MROH9: variants seen among roughly 807,000 people sequenced by gnomAD.
MROH9 encodes maestro heat-like repeat-containing protein family member 9.
A neutral mutation model predicts 98.2 loss-of-function variants in MROH9; 92 were observed. That is an observed-to-expected ratio of 0.94 (90% CI 0.79 to 1.11). MROH9 has a LOEUF of 1.11. MROH9 is among the 50% of genes most tolerant of loss of function. The pLI, the probability that MROH9 is intolerant of heterozygous loss-of-function variation, is 0.00. For synonymous variants in MROH9, 397 were observed against 368.9 expected, an observed-to-expected ratio of 1.08 and a Z score of -0.87; for missense variants, 1,057 against 1,014.8, an observed-to-expected ratio of 1.04 and a Z score of -0.57.
intron 8 of MROH9, among the ~76,000 whole-genome samples, chr1:170,977,557 G>C (rs115591432): frequency 6.6e-6 from 1 of 152,152 alleles, no homozygotes; most frequent in African/African-American, 2.4e-5. Flanking sequence ...TAGGCACAGT[G>C]ATCAGTTGGT....
At chr1:171,028,199 T>C (rs1652790906) in intron 20 of MROH9, among the ~76,000 whole-genome samples, 1 of 152,200 alleles carries the variant, frequency 6.6e-6, no homozygotes, top group South Asian at 2.1e-4. Context: ...TTGTTAATTT[T>C]TGTATAAGGT....
chr1:171,014,278 G>A, intron 16 of MROH9, 24 bp downstream of exon 16: 3 of 1,535,878 alleles, frequency 2.0e-6, no homozygotes, highest in Non-Finnish European at 1.8e-6. Context: ...ATTTGTGTCT[G>A]CAAGCATCAT....
intron 14 of MROH9, 23 bp from the exon 15 acceptor site, chr1:170,998,131 C>T (rs950323779): frequency 1.2e-5 from 19 of 1,564,146 alleles, no homozygotes; most frequent in Non-Finnish European, 1.6e-5. Flanking sequence ...TTTGCTAATT[C>T]AGTGCCTTAT....
intron 12 of MROH9, among the ~76,000 whole-genome samples, chr1:170,994,329 C>G (rs975025994): frequency 2.2e-4 from 33 of 152,254 alleles, no homozygotes; most frequent in African/African-American, 7.9e-4. Flanking sequence ...ACCCACGTGA[C>G]TGCTGTTAGT....
At position 170,959,534 on chromosome 1, in the gene MROH9, C is replaced by A; in HGVS notation, c.225C>A (p.Val75=). ...IIESSFGMLV[V]MPSLDKVKEM... ...AGTCATCCTTTGGAATGCTAGTTGT[C>A]ATGCCAAGTCTTGACAAAGTAAAAG... The change falls in exon 5 of 22, where the codon GTC becomes GTA. Residue 75 remains valine, a synonymous_variant. Transcript: ENST00000367759. 6.2e-7 allele frequency: 1 copy of A among 1,613,692 alleles called. No homozygotes were observed. The highest frequency in any genetic ancestry group is 1.1e-5 in the South Asian group (1 of 90,950).
chr1:170,979,546 T>C (rs1650847443), intron 8 of MROH9, among the ~76,000 whole-genome samples: 1 of 152,190 alleles, frequency 6.6e-6, no homozygotes, highest in Admixed American at 6.5e-5. Flanking sequence ...AACAGAACTA[T>C]ATGTAAAATC....
chr1:170,989,003 GA>G (rs1651252451), intron 10 of MROH9, among the ~76,000 whole-genome samples: 1 of 152,092 alleles, frequency 6.6e-6, no homozygotes, highest in South Asian at 2.1e-4. Flanking sequence ...TACGTGGTTG[GA>G]AAAGTACCCT....
At position 171,024,303 on chromosome 1, in the gene MROH9, G is replaced by GGTGTGT. The variant is rs3077629; in HGVS notation, c.1909-69_1909-64dup. On this transcript the variant is annotated intron_variant, in intron 17 of 21. Transcript: ENST00000367759. ...ATACATATATAGTATATTTATATGG[G>GGTGTGT]GTGTGTGTGTGTGTGTGTGTGTGTG... The GGTGTGT allele has an allele frequency of 9.6e-4, 642 of 669,938 alleles. 1 individual carries two copies. The highest frequency in any genetic ancestry group is 5.2e-3 in the Middle Eastern group (17 of 3,264). The allele number at this position is 669,938 out of a possible 1,614,324, so 41.5% of individuals were successfully genotyped here.
At position 171,017,834 on chromosome 1, in the gene MROH9, G is replaced by A. The variant is rs138257482; in HGVS notation, c.1908+1498G>A. On this transcript the variant is annotated intron_variant, in intron 17 of 21. Transcript: ENST00000367759. ...GACCTGGACCCATCCCTCCTCGCTG[G>A]GGTCTTCCTGCAGGAAGTCTGACTA... 7.2e-4 allele frequency among the ~76,000 whole-genome samples: 110 copies of A among 152,184 alleles called. No individual in the cohort carries two copies. The Middle Eastern group carries it at 0.024, about 33-fold the overall frequency.
At chr1:170,957,106 C>T (rs1032238714) in intron 3 of MROH9, among the ~76,000 whole-genome samples, 1 of 147,108 alleles carries the variant, frequency 6.8e-6, no homozygotes, top group African/African-American at 2.5e-5. Context: ...AATATTTTAT[C>T]CCATTCCATA....
At chr1:170,983,296 G>T (rs1200620531) in intron 8 of MROH9, 126 bp from the exon 9 acceptor site, 7 of 626,850 alleles carry the variant, frequency 1.1e-5, no homozygotes, top group Non-Finnish European at 1.7e-5. Flanking sequence ...TATGAGCAGA[G>T]AGTTAAATAT....
intron 1 of MROH9, among the ~76,000 whole-genome samples, chr1:170,940,465 C>T (rs977584257): frequency 9.9e-5 from 15 of 152,182 alleles, no homozygotes; most frequent in African/African-American, 1.7e-4. Flanking sequence ...AGTTGACATG[C>T]CCCTGTGGTA....
chr1:170,951,504 G>A (rs1254503768), intron 3 of MROH9, among the ~76,000 whole-genome samples: 1 of 152,090 alleles, frequency 6.6e-6, no homozygotes, highest in African/African-American at 2.4e-5. Context: ...GTTGCAAGAA[G>A]AGAGAAGGAG....
intron 11 of MROH9, among the ~76,000 whole-genome samples, chr1:170,990,836 G>A (rs1651329998): frequency 6.6e-6 from 1 of 151,908 alleles, no homozygotes; most frequent in African/African-American, 2.4e-5. Context: ...ATGTTATGTG[G>A]GTTGCTTAGT....
intron 20 of MROH9, among the ~76,000 whole-genome samples, chr1:171,058,900 A>G (rs1247401320): frequency 6.6e-6 from 1 of 152,236 alleles, no homozygotes; most frequent in Non-Finnish European, 1.5e-5. Flanking sequence ...CCTAGAAGAA[A>G]ACCTAGGCAA....
chr1:170,958,676 TTCTTA>T, intron 4 of MROH9, 136 bp downstream of exon 4: 1 of 566,938 alleles, frequency 1.8e-6, no homozygotes, highest in Non-Finnish European at 3.2e-6. Flanking sequence ...TACTATTTCT[TTCTTA>T]TACTCTTTCC....
chr1:170,974,028 A>C (rs868712948), intron 8 of MROH9, among the ~76,000 whole-genome samples: 1 of 152,240 alleles, frequency 6.6e-6, no homozygotes, highest in Non-Finnish European at 1.5e-5. Context: ...ATATCTGAGA[A>C]GAAAAATTCT....
intron 20 of MROH9, among the ~76,000 whole-genome samples, chr1:171,039,933 AT>A (rs1441911591): frequency 6.6e-6 from 1 of 152,116 alleles, no homozygotes; most frequent in Non-Finnish European, 1.5e-5. Flanking sequence ...TGATCATGTG[AT>A]TTTTGTGGTC....
At chr1:171,011,888 T>G (rs973589382) in intron 15 of MROH9, among the ~76,000 whole-genome samples, 2 of 152,114 alleles carry the variant, frequency 1.3e-5, no homozygotes, top group African/African-American at 4.8e-5. Context: ...TATTGTTTTT[T>G]TTGTTTCCTA....
Sources: gnomAD v4.1 joint callset for allele counts (sites outside exome capture counted in the v4.1 genomes callset) on GRCh38, gnomAD v4.1.1 for gene constraint, MANE v1.5 for transcripts, NCBI Gene and HGNC (gene_info 2026-07-23, HGNC 2026-07-21) for gene names.